PRTFDC1: variants seen among roughly 807,000 people sequenced by gnomAD.
The protein encoded by PRTFDC1 is phosphoribosyl transferase domain containing 1.
A neutral mutation model predicts 34.6 loss-of-function variants in PRTFDC1; 38 were observed. The observed-to-expected ratio is 1.10, with a 90% CI of 0.85 to 1.44. The LOEUF (loss-of-function observed/expected upper bound fraction) is 1.44. PRTFDC1 is among the 40% of genes most tolerant of loss of function. The pLI, the probability that PRTFDC1 is intolerant of heterozygous loss-of-function variation, is 0.00. For missense variants in PRTFDC1, 270 were observed against 283.0 expected (o/e 0.95, Z 0.33); for synonymous variants, 93 against 98.1 (o/e 0.95, Z 0.31).
chr10:24,938,058 T>G (rs1362312655), intron 2 of PRTFDC1, among the ~76,000 whole-genome samples: 1 of 151,064 alleles, frequency 6.6e-6, no homozygotes, highest in African/African-American at 2.4e-5. Context: ...AAACCCCGTC[T>G]CTACTAAAAA....
intron 3 of PRTFDC1, among the ~76,000 whole-genome samples, chr10:24,936,506 G>A (rs183153199): frequency 4.6e-4 from 70 of 152,238 alleles, no homozygotes; most frequent in Non-Finnish European, 9.0e-4. Flanking sequence ...GGCTGGTCTC[G>A]AACTCCTGGC....
At chr10:24,890,306 A>T (rs1046391249) in intron 3 of PRTFDC1, among the ~76,000 whole-genome samples, 1 of 151,938 alleles carries the variant, frequency 6.6e-6, no homozygotes, top group African/African-American at 2.4e-5. Flanking sequence ...GGGGAAGGTG[A>T]CCTCTGCTCT....
chr10:24,861,823 A>G (rs1847684750), intron 4 of PRTFDC1, among the ~76,000 whole-genome samples: 1 of 152,022 alleles, frequency 6.6e-6, no homozygotes, highest in South Asian at 2.1e-4. Flanking sequence ...TTTATTTTTT[A>G]GAGACAGGAT....
chr10:24,946,535 G>C lies in PRTFDC1; in HGVS notation c.49-4099C>G, dbSNP rs979426039. 5.3e-5 allele frequency among the ~76,000 whole-genome samples: 8 copies of C among 152,162 alleles called. No homozygotes were observed. The East Asian group carries it at 1.4e-3, about 26-fold the overall frequency. On this transcript the variant is annotated intron_variant, in intron 1 of 8. Coordinates refer to ENST00000320152, the MANE Select transcript of PRTFDC1 (RefSeq NM_020200.7). ...GGCCACACAGAGTAGTGTGTTAAGA[G>C]CATGGACATGGAAATCTCACACACC...
In PRTFDC1 at chr10:24,872,060, C is replaced by A; in HGVS notation, c.343G>T (p.Asp115Tyr). ...DFIRLKSYRN[D>Y]QSMGEMQIIG... is the part of the protein sequence containing the mutation. ...ATCTGCATCTCACCCATGGACTGGT[C>A]ATTCTGCAAAAAAGAAGAAAAAAAA... Residue 115 changes from aspartate (D) to tyrosine (Y), a missense_variant, in exon 4 of 9, where the codon GAC becomes TAC. Coordinates refer to ENST00000320152, the MANE Select transcript of PRTFDC1 (RefSeq NM_020200.7). The A allele has an allele frequency of 1.9e-6, 3 of 1,607,332 alleles. No individual in the cohort carries two copies. Among genetic ancestry groups the A allele is most frequent in the South Asian group, 2.2e-5 (2 of 90,578 alleles).
chr10:24,898,857 AT>A (rs1272336966), intron 3 of PRTFDC1, among the ~76,000 whole-genome samples: 3 of 152,126 alleles, frequency 2.0e-5, no homozygotes, highest in Admixed American at 6.6e-5. Flanking sequence ...CACCCCCAAT[AT>A]GATGCTATAA....
chr10:24,887,648 C>T (rs1039053478), intron 3 of PRTFDC1, among the ~76,000 whole-genome samples: 1 of 152,242 alleles, frequency 6.6e-6, no homozygotes, highest in East Asian at 1.9e-4. Flanking sequence ...AGAATGAGAA[C>T]GGACTAATAT....
chr10:24,902,609 C>G (rs1848467135), intron 3 of PRTFDC1, among the ~76,000 whole-genome samples: 2 of 152,054 alleles, frequency 1.3e-5, no homozygotes, highest in Non-Finnish European at 2.9e-5. Context: ...TCTAGGTGCT[C>G]CAGAGAAAGT....
intron 3 of PRTFDC1, among the ~76,000 whole-genome samples, chr10:24,931,070 A>C (rs536849645): frequency 6.6e-6 from 1 of 152,330 alleles, no homozygotes; most frequent in African/African-American, 2.4e-5. Flanking sequence ...TTTCTGCAAC[A>C]GAATTCAACT....
intron 3 of PRTFDC1, among the ~76,000 whole-genome samples, chr10:24,872,806 A>ATATATATATTT (rs1235935301): frequency 8.5e-6 from 1 of 117,650 alleles, no homozygotes; most frequent in African/African-American, 3.6e-5. Flanking sequence ...ATATATATAT[A>ATATATATATTT]TTTTTTTTTT....
In PRTFDC1 at chr10:24,952,514, G is replaced by C. The variant is rs748842603; in HGVS notation, c.48+14C>G. 14 of 1,582,530 alleles carry C rather than the reference G, an allele frequency of 8.8e-6. No individual in the cohort carries two copies. In the African/African-American group the frequency reaches 1.7e-4, roughly 20 times the overall value. On this transcript the variant is annotated intron_variant, in intron 1 of 8. Coordinates refer to ENST00000320152, the MANE Select transcript of PRTFDC1 (RefSeq NM_020200.7). This position sits in a 1 kb window ranked among gnomAD's most constrained non-coding sequence, Gnocchi z 5.1. The stretch of plus-strand genomic sequence containing the variant: ...GGAGCGGGCCGAGCCCCAAAATAGG[G>C]AGTTTGCATTTACCACGACGCCTCG...
rs574297274 is a variant in PRTFDC1, at chr10:24,848,870, G to A, written c.*974C>T. On this transcript the variant is annotated 3_prime_UTR_variant, in exon 9 of 9. Transcript: ENST00000320152. ...GTTATTCAGAAAAAAACTTTCTTGA[G>A]TGTGCTTGTTTCCTGTAGCACCTTG... 6 of 152,294 alleles carry A rather than the reference G, an allele frequency of 3.9e-5. No individual in the cohort carries two copies. The highest frequency in any genetic ancestry group is 7.4e-5 in the Non-Finnish European group (5 of 68,020). 9.4% of individuals were successfully genotyped at this position (152,294 alleles called of 1,614,324 possible). A position where few individuals can be genotyped will look rare whatever the true frequency, so the allele number is the denominator to read the frequency against.
intron 3 of PRTFDC1, chr10:24,908,912 G>A (rs573083490): frequency 8.7e-6 from 5 of 572,388 alleles, no homozygotes; most frequent in Non-Finnish European, 1.4e-5. Context: ...TGTTCTAAAT[G>A]TAAAGTCTCA....
rs1482061921 is a variant in PRTFDC1, at chr10:24,901,138, ATGTGTATCACAAGCCACAATTATAATTCC to A, written c.340-29104_340-29076del. On this transcript the variant is annotated intron_variant, in intron 3 of 8. Coordinates refer to ENST00000320152, the MANE Select transcript of PRTFDC1 (RefSeq NM_020200.7). ...AAATTGTGTCTTGGTTCCTATATGTATGTGTATCACAAGCCACAATTATAATTCCTCTGTTTCTCACATGGCCAGATCAT... is the reference window on the plus strand; with the variant it reads ...AAATTGTGTCTTGGTTCCTATATGTATCTGTTTCTCACATGGCCAGATCAT... Among the ~76,000 whole-genome samples the A allele has an allele frequency of 3.3e-5, 5 of 152,218 alleles. No homozygotes were observed. In the South Asian group the frequency reaches 8.3e-4, roughly 25 times the overall value.
At chr10:24,854,476 G>T (rs1464055961) in intron 7 of PRTFDC1, among the ~76,000 whole-genome samples, 1 of 152,008 alleles carries the variant, frequency 6.6e-6, no homozygotes, top group East Asian at 1.9e-4. Flanking sequence ...GCTAATGTTT[G>T]TTCAGCTTGC....
At chr10:24,937,150 G>GA in intron 3 of PRTFDC1, 34 bp downstream of exon 3, 2 of 1,519,876 alleles carry the variant, frequency 1.3e-6, no homozygotes, top group Non-Finnish European at 1.8e-6. Flanking sequence ...ATTGTTAAAT[G>GA]AAATGTCATA....
intron 1 of PRTFDC1, among the ~76,000 whole-genome samples, chr10:24,948,829 TC>T (rs1849292565): frequency 6.6e-6 from 1 of 152,136 alleles, no homozygotes; most frequent in Admixed American, 6.6e-5. Context: ...ACATCTTTAT[TC>T]CCCATTTAGC....
At chr10:24,938,267 G>GT (rs1849087203) in intron 2 of PRTFDC1, among the ~76,000 whole-genome samples, 1 of 151,784 alleles carries the variant, frequency 6.6e-6, no homozygotes, top group South Asian at 2.1e-4. Context: ...ACATGATGAA[G>GT]TAAGGAGGTG....
intron 1 of PRTFDC1, among the ~76,000 whole-genome samples, chr10:24,944,070 C>G (rs1350436966): frequency 6.6e-6 from 1 of 152,098 alleles, no homozygotes; most frequent in South Asian, 2.1e-4. Flanking sequence ...CCTCTCTCCC[C>G]CTTTCCTCCT....
Sources: allele counts gnomAD v4.1 joint callset (sites outside exome capture counted in the v4.1 genomes callset), GRCh38; gene constraint gnomAD v4.1.1; non-coding constraint Gnocchi (gnomAD v3.1); transcripts MANE v1.5; gene names NCBI Gene and HGNC (gene_info 2026-07-23, HGNC 2026-07-21).